Variants in AP3B1 observed in about 807,000 individuals in gnomAD.
AP3B1 encodes adaptor related protein complex 3 subunit beta 1.
Under a neutral mutation model 132.5 loss-of-function variants are expected in AP3B1, and 61 were observed. That is an observed-to-expected ratio of 0.46 (90% CI 0.37 to 0.57). AP3B1 has a LOEUF of 0.57. Among genes scored for constraint, AP3B1 ranks in the 20% least tolerant of loss-of-function variants. The probability of loss-of-function intolerance (pLI) is 0.00; values close to 1 mark genes in which losing one functional copy is unlikely to be tolerated. For synonymous variants in AP3B1, 388 were observed against 438.3 expected, an observed-to-expected ratio of 0.89 and a Z score of 1.43; for missense variants, 1,120 against 1,289.4, an observed-to-expected ratio of 0.87 and a Z score of 2.01.
chr5:78,103,877 CCA>C (rs1751225934), intron 20 of AP3B1, among the ~76,000 whole-genome samples: 1 of 151,934 alleles, frequency 6.6e-6, no homozygotes, highest in Non-Finnish European at 1.5e-5. Context: ...TTATTAACCT[CCA>C]AATAATACAA....
intron 22 of AP3B1, among the ~76,000 whole-genome samples, chr5:78,048,514 G>A (rs1748439860): frequency 6.6e-6 from 1 of 152,058 alleles, no homozygotes; most frequent in Admixed American, 6.6e-5. Context: ...CCTTTCCTAG[G>A]ATTTTTGGAT....
At chr5:78,231,183 T>C (rs1481350629) in intron 3 of AP3B1, among the ~76,000 whole-genome samples, 1 of 152,180 alleles carries the variant, frequency 6.6e-6, no homozygotes, top group East Asian at 1.9e-4. Flanking sequence ...GTTTGTTTTT[T>C]GTTTTTAAGA....
chr5:78,192,205 T>C lies in AP3B1; in HGVS notation c.787-10543A>G, dbSNP rs375611428. ...CAACAAAATGTCTTTAAAATAAGCA[T>C]ACAAGAAAAAAAGACAAAAATGTAA... is the stretch of plus-strand genomic sequence containing the variant. On this transcript the variant is annotated intron_variant, in intron 7 of 26. Coordinates refer to ENST00000255194, the MANE Select transcript of AP3B1 (RefSeq NM_003664.5). 8.7e-5 allele frequency among the ~76,000 whole-genome samples: 13 copies of C among 149,084 alleles called. No individual in the cohort carries two copies. The East Asian group carries it at 2.6e-3, about 30-fold the overall frequency.
intron 17 of AP3B1, among the ~76,000 whole-genome samples, chr5:78,123,126 G>A (rs1752299681): frequency 6.6e-6 from 1 of 152,316 alleles, no homozygotes; most frequent in South Asian, 2.1e-4. Context: ...AATGGTGCTG[G>A]GAAAACTGGC....
intron 7 of AP3B1, among the ~76,000 whole-genome samples, chr5:78,197,735 GAC>G (rs1243844270): frequency 6.6e-6 from 1 of 152,078 alleles, no homozygotes; most frequent in Non-Finnish European, 1.5e-5. Context: ...TGAAATTAAT[GAC>G]AGTTAAAACT....
chr5:78,116,600 T>C (rs1270407999), intron 17 of AP3B1, among the ~76,000 whole-genome samples: 1 of 151,176 alleles, frequency 6.6e-6, no homozygotes, highest in African/African-American at 2.4e-5. Flanking sequence ...AGCTTGACAC[T>C]GAGGGAAAAG....
At chr5:78,220,398 T>C (rs901425778) in intron 6 of AP3B1, among the ~76,000 whole-genome samples, 2 of 150,564 alleles carry the variant, frequency 1.3e-5, no homozygotes, top group African/African-American at 4.9e-5. Context: ...AAATTATATA[T>C]AAGTAGAAAT....
chr5:78,266,212 G>A (rs376645888), intron 2 of AP3B1, among the ~76,000 whole-genome samples: 1 of 151,898 alleles, frequency 6.6e-6, no homozygotes, highest in African/African-American at 2.4e-5. Context: ...TTAGGGGATT[G>A]GTGTCACTTA....
At chr5:78,035,919 G>A (rs1039231331) in intron 23 of AP3B1, among the ~76,000 whole-genome samples, 5 of 152,000 alleles carry the variant, frequency 3.3e-5, no homozygotes, top group African/African-American at 9.7e-5. Context: ...TCAGTCACAC[G>A]CTGCTCCAGG....
chr5:78,055,293 T>C (rs78981557), intron 22 of AP3B1, among the ~76,000 whole-genome samples: 5,243 of 152,280 alleles, frequency 0.034, 298 homozygotes, highest in African/African-American at 0.11. Flanking sequence ...ATTAAACATT[T>C]TTCCTCAGAA....
intron 8 of AP3B1, among the ~76,000 whole-genome samples, chr5:78,179,607 A>C (rs1744285016): frequency 6.6e-6 from 1 of 152,160 alleles, no homozygotes; most frequent in Non-Finnish European, 1.5e-5. Flanking sequence ...AGCGCATCCT[A>C]TAAACACTTT....
intron 7 of AP3B1, among the ~76,000 whole-genome samples, chr5:78,208,726 A>G (rs1386315887): frequency 1.3e-5 from 2 of 152,176 alleles, no homozygotes; most frequent in African/African-American, 4.8e-5. Flanking sequence ...ACTGCACATA[A>G]AATAATATTT....
downstream of AP3B1, chr5:78,000,974 C>G (rs1057139295): frequency 6.6e-6 from 1 of 152,082 alleles, no homozygotes; most frequent in Non-Finnish European, 1.5e-5. Flanking sequence ...ACATTACAAT[C>G]GATACATACT....
intron 17 of AP3B1, among the ~76,000 whole-genome samples, chr5:78,125,160 C>G (rs564407832): frequency 2.0e-5 from 3 of 152,220 alleles, no homozygotes; most frequent in African/African-American, 7.2e-5. Context: ...ATGCAGAAGG[C>G]GGTCTTTCTG....
At chr5:78,282,818 C>T (rs934847260) in intron 1 of AP3B1, among the ~76,000 whole-genome samples, 1 of 147,900 alleles carries the variant, frequency 6.8e-6, no homozygotes, top group East Asian at 2.0e-4. Flanking sequence ...TCAAGACCAG[C>T]GTGGACAACA....
intron 14 of AP3B1, among the ~76,000 whole-genome samples, chr5:78,148,581 A>G (rs1753513256): frequency 6.6e-6 from 1 of 152,068 alleles, no homozygotes; most frequent in Non-Finnish European, 1.5e-5. Flanking sequence ...TGAATATTCA[A>G]TGTTTTTAGT....
intron 22 of AP3B1, among the ~76,000 whole-genome samples, chr5:78,053,678 C>CAAAA (rs1166305470): frequency 1.3e-5 from 1 of 75,534 alleles, no homozygotes; most frequent in African/African-American, 5.8e-5. Flanking sequence ...GACTCCATCT[C>CAAAA]AAAAAAAAAA....
At chr5:78,072,065 G>A (rs924357316) in intron 22 of AP3B1, among the ~76,000 whole-genome samples, 2 of 152,002 alleles carry the variant, frequency 1.3e-5, no homozygotes, top group East Asian at 1.9e-4. Flanking sequence ...CTGAAATTAC[G>A]CACTTAAAAA....
intron 24 of AP3B1, among the ~76,000 whole-genome samples, chr5:78,032,761 A>G (rs1376807386): frequency 1.3e-5 from 2 of 152,078 alleles, no homozygotes; most frequent in African/African-American, 4.8e-5. Flanking sequence ...TATCTTTATA[A>G]TAACAAAACA....
Sources: gnomAD v4.1 joint callset for allele counts (sites outside exome capture counted in the v4.1 genomes callset) on GRCh38, gnomAD v4.1.1 for gene constraint, MANE v1.5 for transcripts, NCBI Gene and HGNC (gene_info 2026-07-23, HGNC 2026-07-21) for gene names.